The following HDAC9 variants were observed in gnomAD, a reference collection of about 807,000 sequenced individuals.
The protein encoded by HDAC9 is histone deacetylase 9.
HDAC9 carries 41 observed loss-of-function variants against 139.4 expected under a neutral mutation model. The observed-to-expected ratio is 0.29, with a 90% CI of 0.23 to 0.38. The LOEUF (loss-of-function observed/expected upper bound fraction) is 0.38, where lower values mean the gene tolerates loss of function less well. Among genes scored for constraint, HDAC9 ranks in the 10% least tolerant of loss-of-function variants. The pLI, the probability that HDAC9 is intolerant of heterozygous loss-of-function variation, is 1.00. For missense variants in HDAC9, 1,147 were observed against 1,297.0 expected (o/e 0.88, Z 1.78); for synonymous variants, 517 against 476.2 (o/e 1.09, Z -1.12).
rs139828582 is a variant in HDAC9, at chr7:18,973,777, C to T, written c.3023-2029C>T. Among the ~76,000 whole-genome samples the T allele has an allele frequency of 9.2e-5, 14 of 152,246 alleles. No homozygotes were observed. In the East Asian group the frequency reaches 1.9e-3, roughly 21 times the overall value. On this transcript the variant is annotated intron_variant, in intron 24 of 25. Transcript: ENST00000686413. Reference sequence around the variant, plus strand: ...AATCTCTCTTAGTGTCTTCTCGTTTCGATTCTGTTACTTCGTTTTGGATTA... The same window carrying T: ...AATCTCTCTTAGTGTCTTCTCGTTTTGATTCTGTTACTTCGTTTTGGATTA...
intron 21 of HDAC9, among the ~76,000 whole-genome samples, chr7:18,873,179 G>A (rs6461392): frequency 0.47 from 70,595 of 151,650 alleles, 17,452 homozygotes; most frequent in African/African-American, 0.64. Flanking sequence ...TAATGTAGCT[G>A]TATTTGAAAT....
At chr7:18,482,063 A>G (rs1795597175) in intron 1 of HDAC9, among the ~76,000 whole-genome samples, 1 of 152,138 alleles carries the variant, frequency 6.6e-6, no homozygotes, top group Non-Finnish European at 1.5e-5. Flanking sequence ...GCCACATCAT[A>G]TATGCCTTGA....
chr7:18,931,103 G>A (rs144281292), intron 22 of HDAC9, among the ~76,000 whole-genome samples: 10 of 152,066 alleles, frequency 6.6e-5, no homozygotes, highest in East Asian at 3.9e-4. Context: ...CAGAAAAAGC[G>A]GTCTAGAATA....
At chr7:18,856,177 G>A (rs1382409998) in intron 21 of HDAC9, among the ~76,000 whole-genome samples, 1 of 152,048 alleles carries the variant, frequency 6.6e-6, no homozygotes, top group Admixed American at 6.6e-5. Flanking sequence ...CGGCATCATA[G>A]GTTCACGCTA....
intron 1 of HDAC9, among the ~76,000 whole-genome samples, chr7:18,146,895 C>T (rs563597653): frequency 2.1e-4 from 32 of 151,878 alleles, no homozygotes; most frequent in African/African-American, 5.6e-4. Context: ...AGACATTGTC[C>T]CTTAAAAAAG....
At chr7:18,163,175 T>C (rs767117667) in intron 2 of HDAC9, among the ~76,000 whole-genome samples, 12 of 152,208 alleles carry the variant, frequency 7.9e-5, no homozygotes, top group Non-Finnish European at 1.6e-4. Context: ...TTTCATTCCC[T>C]GGATTGCCAC....
intron 2 of HDAC9, among the ~76,000 whole-genome samples, chr7:18,583,680 G>A (rs943384430): frequency 2.0e-5 from 3 of 152,154 alleles, no homozygotes; most frequent in Non-Finnish European, 4.4e-5. Flanking sequence ...CTTGAGCCAG[G>A]AAGTTCTAGA....
intron 25 of HDAC9, among the ~76,000 whole-genome samples, chr7:18,977,721 T>A (rs778721868): frequency 6.6e-6 from 1 of 152,134 alleles, no homozygotes; most frequent in Non-Finnish European, 1.5e-5. Context: ...TGGTTTCATG[T>A]TCATTTATCA....
intron 2 of HDAC9, among the ~76,000 whole-genome samples, chr7:18,257,386 C>CTT (rs1243333692): frequency 1.4e-5 from 2 of 142,186 alleles, no homozygotes; most frequent in Admixed American, 1.4e-4. Context: ...CTCTCTCTCT[C>CTT]TCTCTCTGTC....
intron 1 of HDAC9, among the ~76,000 whole-genome samples, chr7:18,485,033 T>A (rs1012362500): frequency 9.2e-5 from 14 of 152,170 alleles, no homozygotes; most frequent in East Asian, 1.9e-4. Context: ...AACAGATTGT[T>A]ACAGCTTCAG....
At chr7:18,933,986 A>G (rs1171382581) in intron 22 of HDAC9, among the ~76,000 whole-genome samples, 2 of 152,124 alleles carry the variant, frequency 1.3e-5, no homozygotes, top group Non-Finnish European at 2.9e-5. Context: ...ACAGAGAGAG[A>G]TGGAAAATAT....
At chr7:18,228,396 C>T (rs937917911) in intron 2 of HDAC9, among the ~76,000 whole-genome samples, 20 of 151,544 alleles carry the variant, frequency 1.3e-4, no homozygotes, top group Middle Eastern at 3.4e-3. Flanking sequence ...TTATCTTAAA[C>T]GCCACATACC....
At chr7:18,126,129 A>G (rs1232838460) in intron 1 of HDAC9, among the ~76,000 whole-genome samples, 1 of 152,140 alleles carries the variant, frequency 6.6e-6, no homozygotes, top group Non-Finnish European at 1.5e-5. Context: ...GATTTATTGG[A>G]TTTCTGGTAT....
chr7:18,272,268 C>T (rs1796401204), intron 2 of HDAC9, among the ~76,000 whole-genome samples: 1 of 152,184 alleles, frequency 6.6e-6, no homozygotes, highest in Non-Finnish European at 1.5e-5. Flanking sequence ...AGCAGCGCAT[C>T]ATTCAGCCTC....
At chr7:18,949,894 T>A (rs1023591090) in intron 23 of HDAC9, 3 of 151,850 alleles carry the variant, frequency 2.0e-5, no homozygotes, top group Admixed American at 1.3e-4. Flanking sequence ...TATACGTATT[T>A]TATATATATA....
chr7:18,456,669 CTA>C (rs1416235566), intron 1 of HDAC9, among the ~76,000 whole-genome samples: 2 of 152,146 alleles, frequency 1.3e-5, no homozygotes, highest in African/African-American at 2.4e-5. Flanking sequence ...TTTGGCCTCT[CTA>C]TTTCAGTTAT....
In HDAC9 at chr7:18,477,960, T is replaced by A. The variant is rs538287439; in HGVS notation, c.-41-18302T>A. 4.6e-5 allele frequency among the ~76,000 whole-genome samples: 7 copies of A among 152,266 alleles called. No individual in the cohort carries two copies. In the South Asian group the frequency reaches 1.5e-3, roughly 32 times the overall value. On this transcript the variant is annotated intron_variant, in intron 1 of 3. Transcript: ENST00000413509. ...ACCTGCATTTTTCTATGCTTGCTTTTCACACTAGAAAACAAAGACCAGTCA... is the reference window on the plus strand; with the variant it reads ...ACCTGCATTTTTCTATGCTTGCTTTACACACTAGAAAACAAAGACCAGTCA...
upstream of HDAC9, among the ~76,000 whole-genome samples, chr7:18,495,425 G>T (rs1308017586): frequency 2.0e-5 from 3 of 151,728 alleles, no homozygotes; most frequent in African/African-American, 7.3e-5. Flanking sequence ...TTTTTTTCTT[G>T]CCTTCCTTTC....
chr7:18,392,250 C>T (rs1562945792), intron 1 of HDAC9, among the ~76,000 whole-genome samples: 2 of 151,538 alleles, frequency 1.3e-5, no homozygotes, highest in African/African-American at 4.9e-5. Context: ...ATTATACATT[C>T]TCTTTCTATC....
Sources: allele counts gnomAD v4.1 joint callset (sites outside exome capture counted in the v4.1 genomes callset), GRCh38; gene constraint gnomAD v4.1.1; transcripts MANE v1.5; gene names NCBI Gene and HGNC (gene_info 2026-07-23, HGNC 2026-07-21).